PRKG1: variants seen among roughly 807,000 people sequenced by gnomAD.
PRKG1 encodes protein kinase cGMP-dependent 1, also known as cGMP-dependent protein kinase 1.
PRKG1 carries 35 observed loss-of-function variants against 88.1 expected under a neutral mutation model. The ratio of observed to expected loss-of-function variants is 0.40; its 90% CI spans 0.30 to 0.53. PRKG1 has a LOEUF of 0.53. PRKG1 is among the 20% of genes least tolerant of loss of function. The probability of loss-of-function intolerance (pLI) is 0.59; values close to 1 mark genes in which losing one functional copy is unlikely to be tolerated. For synonymous variants in PRKG1, 303 were observed against 292.5 expected (o/e 1.04, Z -0.37); for missense variants, 540 against 839.8 (o/e 0.64, Z 4.41).
intron 2 of PRKG1, among the ~76,000 whole-genome samples, chr10:51,412,676 C>A (rs1250610785): frequency 6.6e-6 from 1 of 151,888 alleles, no homozygotes; most frequent in Admixed American, 6.6e-5. Flanking sequence ...TAAAATGAAA[C>A]CATCCTAAGG....
At chr10:51,713,819 TCAGA>T (rs1841818473) in intron 3 of PRKG1, among the ~76,000 whole-genome samples, 1 of 152,188 alleles carries the variant, frequency 6.6e-6, no homozygotes, top group Non-Finnish European at 1.5e-5. Context: ...TAGTATTGGG[TCAGA>T]CAGGGCAGCA....
At chr10:51,552,445 T>C (rs1837162338) in intron 3 of PRKG1, among the ~76,000 whole-genome samples, 1 of 151,640 alleles carries the variant, frequency 6.6e-6, no homozygotes, top group South Asian at 2.1e-4. Flanking sequence ...TTATTAAAGG[T>C]GAGTTCAGGC....
intron 2 of PRKG1, among the ~76,000 whole-genome samples, chr10:51,166,823 C>G (rs898026735): frequency 6.6e-6 from 1 of 152,048 alleles, no homozygotes; most frequent in Non-Finnish European, 1.5e-5. Flanking sequence ...AGAGATAAAG[C>G]GGGGTGTGAC....
At chr10:51,398,038 T>C (rs1256208491) in intron 2 of PRKG1, among the ~76,000 whole-genome samples, 5 of 152,316 alleles carry the variant, frequency 3.3e-5, no homozygotes, top group South Asian at 2.1e-4. Flanking sequence ...CTTCCGCCAC[T>C]CACCCATTCC....
chr10:51,797,565 ATAT>A (rs1345146261), intron 3 of PRKG1, among the ~76,000 whole-genome samples: 3 of 147,078 alleles, frequency 2.0e-5, no homozygotes, highest in Non-Finnish European at 4.5e-5. Flanking sequence ...ATATTTTATT[ATAT>A]TATTTTATGT....
rs964949058 is a variant in PRKG1 at position 52,298,019 on chromosome 10, T to C, written c.*4119T>C. 5 of 152,198 alleles carry C rather than the reference T, an allele frequency of 3.3e-5. No homozygotes were observed. Among genetic ancestry groups the C allele is most frequent in the African/African-American group, 1.2e-4 (5 of 41,462 alleles). The allele number at this position is 152,198 out of a possible 1,614,324, so 9.4% of individuals were successfully genotyped here. ...CAATGACTCAGAGGTTGGGGCTTTC[T>C]GAGTAAAGGGACATTTCTTTAAGCA... On this transcript the variant is annotated 3_prime_UTR_variant, in exon 18 of 18. Coordinates refer to ENST00000373980, the MANE Select transcript of PRKG1 (RefSeq NM_006258.4).
chr10:51,284,869 T>A (rs979805002), intron 2 of PRKG1, among the ~76,000 whole-genome samples: 1 of 139,416 alleles, frequency 7.2e-6, no homozygotes, highest in Non-Finnish European at 1.6e-5. Flanking sequence ...TGGGTACTTT[T>A]TTTTTTTTTT....
intron 1 of PRKG1, among the ~76,000 whole-genome samples, chr10:51,104,328 CTT>C (rs1016503226): frequency 2.0e-5 from 3 of 152,156 alleles, no homozygotes; most frequent in Non-Finnish European, 2.9e-5. Flanking sequence ...TGGTTTGACT[CTT>C]TGTACAATCT....
chr10:52,131,844 A>AAAAAAAAC (rs764532999), intron 7 of PRKG1, among the ~76,000 whole-genome samples: 1,717 of 117,060 alleles, frequency 0.015, 141 homozygotes, highest in Middle Eastern at 0.042. Context: ...AAAAAAAAAA[A>AAAAAAAAC]AAGAGGCCAG....
intron 2 of PRKG1, among the ~76,000 whole-genome samples, chr10:51,459,579 T>C (rs980685867): frequency 1.3e-5 from 2 of 152,174 alleles, no homozygotes; most frequent in South Asian, 2.1e-4. Flanking sequence ...ACATGTATTA[T>C]CTAATTCAGT....
intron 1 of PRKG1, among the ~76,000 whole-genome samples, chr10:51,141,723 T>A (rs12267391): frequency 5.3e-5 from 8 of 152,280 alleles, no homozygotes; most frequent in African/African-American, 1.9e-4. Flanking sequence ...ACCCCCTCTG[T>A]CTCATGCCGT....
intron 7 of PRKG1, among the ~76,000 whole-genome samples, chr10:52,104,678 A>C (rs1372884930): frequency 6.6e-6 from 1 of 152,190 alleles, no homozygotes; most frequent in African/African-American, 2.4e-5. Flanking sequence ...GAAATCCTAA[A>C]AGATTTTCTG....
chr10:52,134,736 G>A (rs1237913765), intron 8 of PRKG1, among the ~76,000 whole-genome samples: 1 of 152,092 alleles, frequency 6.6e-6, no homozygotes, highest in Non-Finnish European at 1.5e-5. Context: ...AACCTGAGGA[G>A]CCAGGTATGA....
At chr10:51,721,951 G>A (rs1188939998) in intron 3 of PRKG1, among the ~76,000 whole-genome samples, 9 of 152,166 alleles carry the variant, frequency 5.9e-5, no homozygotes, top group Non-Finnish European at 1.3e-4. Context: ...TTCATTACAG[G>A]CAGGGTGCGG....
At chr10:52,023,046 C>T (rs1845227206) in intron 5 of PRKG1, among the ~76,000 whole-genome samples, 1 of 152,088 alleles carries the variant, frequency 6.6e-6, no homozygotes, top group Non-Finnish European at 1.5e-5. Flanking sequence ...GGGTATTTCT[C>T]CTAATGCAAT....
chr10:52,043,767 T>C (rs982143137), intron 5 of PRKG1, among the ~76,000 whole-genome samples: 2 of 151,862 alleles, frequency 1.3e-5, no homozygotes, highest in African/African-American at 2.4e-5. Flanking sequence ...TACACATGTA[T>C]ATATATGTAT....
chr10:52,148,295 TACA>T (rs1190320938), intron 8 of PRKG1, among the ~76,000 whole-genome samples: 1 of 152,170 alleles, frequency 6.6e-6, no homozygotes, highest in Non-Finnish European at 1.5e-5. Flanking sequence ...TTAACCATCC[TACA>T]ATGCACAGGA....
At chr10:51,393,898 G>A (rs1318644220) in intron 2 of PRKG1, among the ~76,000 whole-genome samples, 1 of 152,022 alleles carries the variant, frequency 6.6e-6, no homozygotes, top group Non-Finnish European at 1.5e-5. Context: ...ATGGTAAAAA[G>A]CATTACGTTT....
intron 1 of PRKG1, among the ~76,000 whole-genome samples, chr10:51,066,938 C>T (rs891701586): frequency 6.6e-6 from 1 of 151,990 alleles, no homozygotes; most frequent in Non-Finnish European, 1.5e-5. Context: ...CTTTCTTTGA[C>T]ACTCCTCTTA....
Sources: gnomAD v4.1 joint callset for allele counts (sites outside exome capture counted in the v4.1 genomes callset) on GRCh38, gnomAD v4.1.1 for gene constraint, MANE v1.5 for transcripts, NCBI Gene and HGNC (gene_info 2026-07-23, HGNC 2026-07-21) for gene names.